The following GPAT4 variants were observed in gnomAD, a reference collection of about 807,000 sequenced individuals.
GPAT4 encodes the protein 1-AGP acyltransferase 6.
A neutral mutation model predicts 58.0 loss-of-function variants in GPAT4; 17 were observed. The observed-to-expected ratio is 0.29, with a 90% CI of 0.20 to 0.44. The LOEUF is 0.44. Among genes scored for constraint, GPAT4 ranks in the 20% least tolerant of loss-of-function variants. GPAT4 has a pLI of 1.00. For missense variants in GPAT4, 377 were observed against 574.5 expected, an observed-to-expected ratio of 0.66 and a Z score of 3.51; for synonymous variants, 204 against 210.1, an observed-to-expected ratio of 0.97 and a Z score of 0.25.
chr8:41,618,949 A>G lies in GPAT4; in HGVS notation c.1234A>G (p.Arg412Gly). ...GAATAGGGTGAAATCTGCCATTGCC[A>G]GGCAGGGAGGACTTGTGGACCTGCT... ...FANRVKSAIA[R>G]QGGLVDLLWD... The change falls in exon 12 of 13, where the codon AGG (arginine) becomes GGG (glycine). Residue 412 changes from arginine to glycine, a missense_variant. Physicochemically the swap from Arg to Gly is moderately radical, Grantham distance 125 (BLOSUM62 -2). Transcript: ENST00000396987. 6.2e-7 allele frequency: 1 copy of G among 1,614,234 alleles called. No homozygotes were observed. The highest frequency in any genetic ancestry group is 2.2e-5 in the East Asian group (1 of 44,890).
chr8:41,590,747 T>G lies in GPAT4; in HGVS notation c.-848-7545T>G, dbSNP rs536675646. Among the ~76,000 whole-genome samples, 12 of 152,312 alleles carry G rather than the reference T, an allele frequency of 7.9e-5. No individual in the cohort carries two copies. In the East Asian group the frequency reaches 2.3e-3, roughly 29 times the overall value. On this transcript the variant is annotated intron_variant, in intron 1 of 12. Coordinates refer to ENST00000396987, the MANE Select transcript of GPAT4 (RefSeq NM_178819.4). ...ACTAGGGTTCATGACCCAGCACCAC[T>G]GAATAGCATGTCCTTGTAGACTAGA...
chr8:41,578,503 A>G (rs925355595), intron 1 of GPAT4: 1 of 150,488 alleles, frequency 6.6e-6, no homozygotes, highest in Non-Finnish European at 1.5e-5. Context: ...CCCGCCCCGA[A>G]CCCCGGCCGC....
At position 41,611,946 on chromosome 8, in the gene GPAT4, C is replaced by T. The variant is rs1275110506; in HGVS notation, c.655C>T (p.Arg219Trp). 3.1e-6 allele frequency: 5 copies of T among 1,614,038 alleles called. No homozygotes were observed. The highest frequency in any genetic ancestry group is 2.2e-5 in the South Asian group (2 of 91,082). Residue 219 changes from arginine (R) to tryptophan (W), a missense_variant, in exon 6 of 13, where the codon CGG becomes TGG. Physicochemically the swap from Arg to Trp is moderately radical, Grantham distance 101. Transcript: ENST00000396987. ...TAAACATGTTCACTTAATGTGTTAC[C>T]GGATCTGCGTGCGAGCGCTGACAGC... is the stretch of plus-strand genomic sequence containing the variant. ...MSKHVHLMCY[R>W]ICVRALTAII...
chr8:41,591,781 C>T (rs919110165), intron 1 of GPAT4, among the ~76,000 whole-genome samples: 2 of 152,240 alleles, frequency 1.3e-5, no homozygotes. Flanking sequence ...GTGTCTTCAA[C>T]TACTGGCCCT....
chr8:41,618,975 G>T lies in GPAT4; in HGVS notation c.1260G>T (p.Leu420=), dbSNP rs1487661774. The part of the protein sequence containing the change: ...IARQGGLVDL[L]WDGGLKREKV... Reference sequence around the variant, plus strand: ...GGCAGGGAGGACTTGTGGACCTGCTGTGGTAAGTTTAGAGCCAGGCCTTTT... The same window carrying T: ...GGCAGGGAGGACTTGTGGACCTGCTTTGGTAAGTTTAGAGCCAGGCCTTTT... The change falls in exon 12 of 13, where the codon CTG becomes CTT. Residue 420 remains leucine (L), a splice_region_variant and synonymous_variant. Transcript: ENST00000396987. The T allele has an allele frequency of 6.2e-7, 1 of 1,614,246 alleles. No homozygotes were observed. The highest frequency in any genetic ancestry group is 1.3e-5 in the African/African-American group (1 of 75,070).
intron 1 of GPAT4, among the ~76,000 whole-genome samples, chr8:41,595,015 T>C (rs1315218869): frequency 6.6e-6 from 1 of 152,180 alleles, no homozygotes; most frequent in Non-Finnish European, 1.5e-5. Flanking sequence ...GCGACAAGAT[T>C]AGAAGTTACT....
intron 2 of GPAT4, among the ~76,000 whole-genome samples, chr8:41,606,162 T>C (rs1803264978): frequency 6.6e-6 from 1 of 152,176 alleles, no homozygotes; most frequent in African/African-American, 2.4e-5. Flanking sequence ...TTCCAGCACA[T>C]TGAACCTGAA....
chr8:41,594,889 A>G (rs754560717), intron 1 of GPAT4, among the ~76,000 whole-genome samples: 54 of 152,008 alleles, frequency 3.6e-4, no homozygotes, highest in Non-Finnish European at 6.8e-4. Flanking sequence ...TCAGGGCAAG[A>G]ATTTACCATA....
intron 10 of GPAT4, among the ~76,000 whole-genome samples, chr8:41,615,930 C>T (rs1803583937): frequency 6.6e-6 from 1 of 152,236 alleles, no homozygotes; most frequent in Non-Finnish European, 1.5e-5. Context: ...TGCTCACCAG[C>T]CACTCACTGT....
At chr8:41,592,920 A>C (rs1406566031) in intron 1 of GPAT4, among the ~76,000 whole-genome samples, 1 of 152,174 alleles carries the variant, frequency 6.6e-6, no homozygotes. Context: ...AGGAAGGGCC[A>C]CTTTTTCCTT....
At chr8:41,581,547 G>A (rs989016350) in intron 1 of GPAT4, among the ~76,000 whole-genome samples, 4 of 151,782 alleles carry the variant, frequency 2.6e-5, no homozygotes, top group African/African-American at 9.7e-5. Flanking sequence ...AGCCTCCCTG[G>A]CTCAAACGGT....
At chr8:41,617,221 G>A (rs1803621138) in intron 10 of GPAT4, among the ~76,000 whole-genome samples, 3 of 151,984 alleles carry the variant, frequency 2.0e-5, no homozygotes, top group South Asian at 2.1e-4. Context: ...AAAATTAGCC[G>A]GGCGTAGTGG....
chr8:41,611,306 C>G (rs913459160), intron 5 of GPAT4, among the ~76,000 whole-genome samples: 7 of 152,148 alleles, frequency 4.6e-5, no homozygotes, highest in Non-Finnish European at 8.8e-5. Flanking sequence ...TATGACTGTT[C>G]TTTTTGTCCT....
At position 41,614,266 on chromosome 8, in the gene GPAT4, T is replaced by TA. The variant is rs1299398403; in HGVS notation, c.912-119dup. On this transcript the variant is annotated intron_variant, in intron 8 of 12. Coordinates refer to ENST00000396987, the MANE Select transcript of GPAT4 (RefSeq NM_178819.4). Reference sequence around the variant, plus strand: ...GATTATGGGTTTAAAAGGATACAGTTATGCTTGTTAACTTTTTATAATCGA... The same window carrying TA: ...GATTATGGGTTTAAAAGGATACAGTTAATGCTTGTTAACTTTTTATAATCGA... 7 of 797,424 alleles carry TA rather than the reference T, an allele frequency of 8.8e-6. No individual in the cohort carries two copies. The East Asian group carries it at 1.6e-4, about 19-fold the overall frequency. 49.4% of individuals were successfully genotyped at this position (797,424 alleles called of 1,614,324 possible).
intron 4 of GPAT4, 199 bp downstream of exon 4, chr8:41,610,154 A>G (rs1803399969): frequency 7.1e-7 from 1 of 1,401,028 alleles, no homozygotes; most frequent in African/African-American, 1.4e-5. Context: ...ATCAGACAGA[A>G]ATAGTTGGAT....
At chr8:41,615,621 C>G (rs879585084) in intron 10 of GPAT4, among the ~76,000 whole-genome samples, 1 of 152,178 alleles carries the variant, frequency 6.6e-6, no homozygotes, top group Admixed American at 6.5e-5. Context: ...ACACCCAGAG[C>G]TATAGGATGT....
rs1447733689 is a variant in GPAT4 at position 41,579,511 on chromosome 8, C to A, written c.-849+1233C>A. Among the ~76,000 whole-genome samples, 2 of 152,156 alleles carry A rather than the reference C, an allele frequency of 1.3e-5. 1 individual carries two copies. The highest frequency in any genetic ancestry group is 6.3e-3 in the Middle Eastern group (2 of 316). The stretch of plus-strand genomic sequence containing the variant: ...CAGTAGAGTTGAAGAAAGAGCACAG[C>A]AAAAGGTATCTTAACATGATAGAAC... On this transcript the variant is annotated intron_variant, in intron 1 of 12. Transcript: ENST00000396987.
chr8:41,587,694 G>T (rs1471826009), intron 1 of GPAT4, among the ~76,000 whole-genome samples: 1 of 152,170 alleles, frequency 6.6e-6, no homozygotes, highest in Non-Finnish European at 1.5e-5. Flanking sequence ...AAAAATCCCT[G>T]TAGATATTGC....
intron 1 of GPAT4, among the ~76,000 whole-genome samples, chr8:41,589,271 A>G (rs1323705157): frequency 6.8e-6 from 1 of 146,622 alleles, no homozygotes; most frequent in Non-Finnish European, 1.5e-5. Context: ...AGTGTTGTTT[A>G]GTGTTGGCCA....
Sources: gnomAD v4.1 joint callset for allele counts (sites outside exome capture counted in the v4.1 genomes callset) on GRCh38, gnomAD v4.1.1 for gene constraint, MANE v1.5 for transcripts, NCBI Gene and HGNC (gene_info 2026-07-23, HGNC 2026-07-21) for gene names.